Variants in ARHGEF3 observed in about 807,000 individuals in gnomAD.
ARHGEF3 encodes Rho guanine nucleotide exchange factor 3.
Under a neutral mutation model 63.2 loss-of-function variants are expected in ARHGEF3, and 28 were observed. That is an observed-to-expected ratio of 0.44 (90% CI 0.33 to 0.61). The LOEUF (loss-of-function observed/expected upper bound fraction) is 0.61. ARHGEF3 is among the 20% of genes least tolerant of loss of function. The pLI, the probability that ARHGEF3 is intolerant of heterozygous loss-of-function variation, is 0.03. For missense variants in ARHGEF3, 533 were observed against 659.3 expected (o/e 0.81, Z 2.10); for synonymous variants, 266 against 254.2 (o/e 1.05, Z -0.44).
In ARHGEF3 at chr3:57,042,673, TATATATATATATATATATATATA is replaced by T. The variant is rs1432423926; in HGVS notation, c.-27-7520_-27-7498del. 1.4e-3 allele frequency among the ~76,000 whole-genome samples: 54 copies of T among 37,646 alleles called. 2 individuals are homozygous for T. Among genetic ancestry groups the T allele is most frequent in the African/African-American group, 4.0e-3 (38 of 9,590 alleles). 24.7% of individuals were successfully genotyped at this position (37,646 alleles called of 152,430 possible). Reference sequence around the variant, plus strand: ...ATAAATATATATATATATATATATATATATATATATATATATATATATATATATTTTTTTTTTTTTTTAGACGG... The same window carrying T: ...ATAAATATATATATATATATATATATTATATTTTTTTTTTTTTTTAGACGG... On this transcript the variant is annotated intron_variant, in intron 1 of 12. Transcript: ENST00000338458.
At chr3:56,971,619 AG>A (rs1700915102) in intron 2 of ARHGEF3, among the ~76,000 whole-genome samples, 1 of 151,442 alleles carries the variant, frequency 6.6e-6, no homozygotes, top group Non-Finnish European at 1.5e-5. Flanking sequence ...TGGGAGGCCG[AG>A]GTGGGTGGAT....
intron 1 of ARHGEF3, among the ~76,000 whole-genome samples, chr3:56,779,661 C>T (rs1311795845): frequency 6.6e-6 from 1 of 152,164 alleles, no homozygotes. Context: ...CAAATGGCCC[C>T]ACTCCACCCA....
At chr3:56,765,297 G>T (rs9813579) in intron 2 of ARHGEF3, among the ~76,000 whole-genome samples, 2 of 152,022 alleles carry the variant, frequency 1.3e-5, no homozygotes, top group Non-Finnish European at 2.9e-5. Flanking sequence ...AGTGATAAGC[G>T]GAAAAGAGGG....
Position 56,801,790 on chromosome 3 carries a change from G to A in ARHGEF3, c.9C>T (p.Ala3=). MV[A]KDYPFYLTVK... ...CCGTGAGGTAGAAGGGGTAATCCTT[G>A]GCCACCATGGCGGCTGCCGGGCCTG... is the stretch of plus-strand genomic sequence containing the variant. Residue 3 remains alanine (A), a synonymous_variant, in exon 1 of 10, where the codon GCC becomes GCT. Transcript: ENST00000296315. The A allele has an allele frequency of 6.4e-7, 1 of 1,562,108 alleles. No individual in the cohort carries two copies. The highest frequency in any genetic ancestry group is 1.7e-4 in the Middle Eastern group (1 of 6,000).
intron 4 of ARHGEF3, among the ~76,000 whole-genome samples, chr3:56,847,068 A>G (rs2039515427): frequency 6.6e-6 from 1 of 152,200 alleles, no homozygotes; most frequent in Admixed American, 6.5e-5. Context: ...GGTTTAAGTG[A>G]CCTGCCTAAG....
At chr3:56,992,842 TA>T (rs1429391353) in intron 2 of ARHGEF3, among the ~76,000 whole-genome samples, 8 of 152,214 alleles carry the variant, frequency 5.3e-5, no homozygotes, top group African/African-American at 1.7e-4. Flanking sequence ...TTTTATTTTT[TA>T]TTTTTTTGGA....
chr3:57,005,310 G>C (rs924915367), intron 2 of ARHGEF3, among the ~76,000 whole-genome samples: 4 of 152,146 alleles, frequency 2.6e-5, no homozygotes, highest in Non-Finnish European at 5.9e-5. Context: ...TTACAGATGA[G>C]GAAATTGAGG....
chr3:57,035,843 T>C (rs1024329845), intron 1 of ARHGEF3, among the ~76,000 whole-genome samples: 2 of 152,178 alleles, frequency 1.3e-5, no homozygotes, highest in Admixed American at 6.5e-5. Flanking sequence ...AGCAACAAGG[T>C]AGAAACCACC....
chr3:57,044,779 G>A lies in ARHGEF3; in HGVS notation c.-27-9603C>T, dbSNP rs897884339. 5.3e-5 allele frequency among the ~76,000 whole-genome samples: 8 copies of A among 152,120 alleles called. No individual in the cohort carries two copies. The South Asian group carries it at 1.0e-3, about 20-fold the overall frequency. ...AATCAGATCCCAGATCCCAGGATAC[G>A]AGGCTTGGTGGGGATACCACAAGCG... On this transcript the variant is annotated intron_variant, in intron 1 of 12. Coordinates refer to the ARHGEF3 transcript ENST00000338458.
At chr3:56,836,074 C>T (rs527619472) in intron 4 of ARHGEF3, among the ~76,000 whole-genome samples, 1 of 152,328 alleles carries the variant, frequency 6.6e-6, no homozygotes, top group Admixed American at 6.5e-5. Flanking sequence ...ATCCCGTTCA[C>T]ATCTGATTAA....
rs75200218 is a variant in ARHGEF3, at chr3:56,971,722, C to T, written c.63-12833G>A. ...AAAAAAAAATTAGTGGGCATGGTGGCGGGCAACTGTAGTCCCAGCTACTCG... is the reference window on the plus strand; with the variant it reads ...AAAAAAAAATTAGTGGGCATGGTGGTGGGCAACTGTAGTCCCAGCTACTCG... On this transcript the variant is annotated intron_variant, in intron 2 of 12. Coordinates refer to the ARHGEF3 transcript ENST00000338458. Among the ~76,000 whole-genome samples the T allele has an allele frequency of 0.014, 2,128 of 151,896 alleles. 134 individuals are homozygous for T. In the East Asian group the frequency reaches 0.18, roughly 13 times the overall value.
At chr3:56,831,748 A>G (rs12485738) in intron 4 of ARHGEF3, among the ~76,000 whole-genome samples, 95,226 of 152,110 alleles carry the variant, frequency 0.63, 30,114 homozygotes, top group African/African-American at 0.66. Flanking sequence ...CAGAAAACAT[A>G]ATCAACATTT....
At position 56,932,568 on chromosome 3, in the gene ARHGEF3, T is replaced by A. The variant is rs1360204282; in HGVS notation, c.129+26255A>T. Among the ~76,000 whole-genome samples, 4 of 152,146 alleles carry A rather than the reference T, an allele frequency of 2.6e-5. No homozygotes were observed. In the East Asian group the frequency reaches 7.7e-4, roughly 29 times the overall value. Reference sequence around the variant, plus strand: ...GTGGGCATTCACACTTTTTCCACTTTTTTCTGTCATTGTAACTGCTGCAGC... The same window carrying A: ...GTGGGCATTCACACTTTTTCCACTTATTTCTGTCATTGTAACTGCTGCAGC... On this transcript the variant is annotated intron_variant, in intron 3 of 12. Transcript: ENST00000338458.
chr3:56,982,254 TAAA>T (rs76434123), intron 2 of ARHGEF3, among the ~76,000 whole-genome samples: 1 of 141,772 alleles, frequency 7.1e-6, no homozygotes, highest in African/African-American at 2.6e-5. Flanking sequence ...GAGCTCTCTT[TAAA>T]AAAAAAAAAA....
At chr3:56,993,326 A>G (rs1055628758) in intron 2 of ARHGEF3, among the ~76,000 whole-genome samples, 1 of 152,012 alleles carries the variant, frequency 6.6e-6, no homozygotes, top group African/African-American at 2.4e-5. Flanking sequence ...GAAGACCCCA[A>G]CCAGAGGCTG....
chr3:57,002,424 C>CTATATATA lies in ARHGEF3; in HGVS notation c.62+32656_62+32663dup, dbSNP rs55778548. Reference sequence around the variant, plus strand: ...TATATGCCAGGCACTGTTCTAAGCACTATATATATATATATATGCCAGGCA... The same window carrying CTATATATA: ...TATATGCCAGGCACTGTTCTAAGCACTATATATATATATATATATATATATGCCAGGCA... On this transcript the variant is annotated intron_variant, in intron 2 of 12. Coordinates refer to the ARHGEF3 transcript ENST00000338458. Among the ~76,000 whole-genome samples, 79 of 62,774 alleles carry CTATATATA rather than the reference C, an allele frequency of 1.3e-3. 2 individuals carry two copies. The South Asian group carries it at 0.014, about 11-fold the overall frequency. The allele number at this position is 62,774 out of a possible 152,430, so 41.2% of individuals were successfully genotyped here.
intron 2 of ARHGEF3, among the ~76,000 whole-genome samples, chr3:56,971,606 C>T (rs1159283368): frequency 6.6e-6 from 1 of 151,386 alleles, no homozygotes; most frequent in Non-Finnish European, 1.5e-5. Context: ...AATTCCAGCA[C>T]TTTGGGAGGC....
At chr3:56,891,681 C>T (rs1036908099) in intron 3 of ARHGEF3, among the ~76,000 whole-genome samples, 20 of 152,000 alleles carry the variant, frequency 1.3e-4, no homozygotes, top group South Asian at 1.0e-3. Flanking sequence ...AATGGGGACA[C>T]GAATAGTACC....
rs1299440760 is a variant in ARHGEF3, at chr3:56,728,165, C to T, written c.*1105G>A. On this transcript the variant is annotated 3_prime_UTR_variant, in exon 10 of 10. Coordinates refer to ENST00000296315, the MANE Select transcript of ARHGEF3 (RefSeq NM_019555.3). ...TAATCAGAGTTAATGAAATTGGCCTCTGGAGAACATAATTACAATTCTGAT... is the reference window on the plus strand; with the variant it reads ...TAATCAGAGTTAATGAAATTGGCCTTTGGAGAACATAATTACAATTCTGAT... The T allele has an allele frequency of 1.3e-5, 2 of 152,630 alleles. No individual in the cohort carries two copies. The highest frequency in any genetic ancestry group is 6.5e-5 in the Admixed American group (1 of 15,276). The allele number at this position is 152,630 out of a possible 1,614,324, so 9.5% of individuals were successfully genotyped here.
Sources: allele counts gnomAD v4.1 joint callset (sites outside exome capture counted in the v4.1 genomes callset), GRCh38; gene constraint gnomAD v4.1.1; transcripts MANE v1.5; gene names NCBI Gene and HGNC (gene_info 2026-07-23, HGNC 2026-07-21).